Variants in PAX2 observed in about 807,000 individuals in gnomAD.
PAX2 encodes paired box protein Pax-2.
In PAX2, 9 loss-of-function variants were observed where a neutral mutation model predicts 41.7. The observed-to-expected ratio is 0.22, with a 90% CI of 0.13 to 0.38. The LOEUF is 0.38. PAX2 is among the 10% of genes least tolerant of loss of function. PAX2 has a pLI of 1.00. For synonymous variants in PAX2, 221 were observed against 212.7 expected (o/e 1.04, Z -0.34); for missense variants, 418 against 531.6 (o/e 0.79, Z 2.10).
At chr10:100,819,361 G>T (rs747912066) in intron 7 of PAX2, among the ~76,000 whole-genome samples, 12 of 152,094 alleles carry the variant, frequency 7.9e-5, no homozygotes, top group Non-Finnish European at 1.5e-4. Context: ...CTGAGGTCAG[G>T]AGTTGGAGAC....
At chr10:100,770,601 T>C (rs928114143) in intron 3 of PAX2, among the ~76,000 whole-genome samples, 2 of 152,238 alleles carry the variant, frequency 1.3e-5, no homozygotes, top group African/African-American at 4.8e-5. Flanking sequence ...CCATCTAGCC[T>C]GGTAAATTGT....
At chr10:100,786,009 G>A (rs928494263) in intron 5 of PAX2, among the ~76,000 whole-genome samples, 5 of 152,232 alleles carry the variant, frequency 3.3e-5, no homozygotes, top group African/African-American at 1.2e-4. Flanking sequence ...TTAGTGTTGA[G>A]CTGACTTCAT....
At chr10:100,809,263 G>A (rs756686150) in intron 7 of PAX2, 27 bp downstream of exon 7, 43 of 1,608,496 alleles carry the variant, frequency 2.7e-5, no homozygotes, top group Admixed American at 2.3e-4. Context: ...GAGGGTGGGG[G>A]CACTGCGTTC....
chr10:100,756,150 A>T (rs1026701028), intron 3 of PAX2, among the ~76,000 whole-genome samples: 3 of 152,166 alleles, frequency 2.0e-5, no homozygotes, highest in Admixed American at 1.3e-4. Context: ...AATAGTAGTA[A>T]CTGGTGTGGA....
intron 7 of PAX2, among the ~76,000 whole-genome samples, chr10:100,815,925 G>A (rs886471917): frequency 6.6e-6 from 1 of 152,286 alleles, no homozygotes; most frequent in African/African-American, 2.4e-5. Flanking sequence ...GAGGAGCATC[G>A]TAGGGAGGGT....
Position 100,749,774 on chromosome 10 carries a change from G to C in PAX2, c.72G>C (p.Gly24=). 1 of 1,612,090 alleles carries C rather than the reference G, an allele frequency of 6.2e-7. No homozygotes were observed. The highest frequency in any genetic ancestry group is 8.5e-7 in the Non-Finnish European group (1 of 1,178,900). ...HPGHGGVNQL[G]GVFVNGRPLP... ...GGCACGGGGGTGTGAACCAGCTCGG[G>C]GGGGTGTTTGTGAACGGCCGGCCCC... The change falls in exon 2 of 10, where the codon GGG becomes GGC. Residue 24 remains glycine, a synonymous_variant. Transcript: ENST00000355243.
rs529264524 is a variant in PAX2 at position 100,747,801 on chromosome 10, G to A, written c.43+1498G>A. 1.7e-4 allele frequency: 164 copies of A among 984,980 alleles called. 1 individual carries two copies. In the South Asian group the frequency reaches 7.1e-3, roughly 43 times the overall value. 61.0% of individuals were successfully genotyped at this position (984,980 alleles called of 1,614,324 possible). On this transcript the variant is annotated intron_variant, in intron 1 of 9. Coordinates refer to ENST00000355243, the MANE Select transcript of PAX2 (RefSeq NM_000278.5). ...GGGCCGGAAAGCCTCGGTCCTTTTC[G>A]GGAGGAGTGGAACCGGGTCCACACG...
At chr10:100,799,086 G>A (rs561792690) in intron 5 of PAX2, among the ~76,000 whole-genome samples, 74 of 152,258 alleles carry the variant, frequency 4.9e-4, no homozygotes, top group Non-Finnish European at 9.7e-4. Flanking sequence ...CTCAGAGGCG[G>A]AAGTAATGTG....
At chr10:100,786,197 G>A (rs1297373680) in intron 5 of PAX2, among the ~76,000 whole-genome samples, 4 of 152,252 alleles carry the variant, frequency 2.6e-5, no homozygotes, top group Non-Finnish European at 4.4e-5. Flanking sequence ...TAACCCGGAT[G>A]GGACCAGCGC....
chr10:100,739,362 C>T (rs1844874738), intron 1 of PAX2, among the ~76,000 whole-genome samples: 2 of 152,256 alleles, frequency 1.3e-5, no homozygotes, highest in South Asian at 2.1e-4. Flanking sequence ...GGTCCCCCTG[C>T]CTTACCAGCT....
chr10:100,753,251 C>T (rs1368858026), intron 3 of PAX2, among the ~76,000 whole-genome samples: 8 of 152,190 alleles, frequency 5.3e-5, no homozygotes, highest in Non-Finnish European at 2.9e-5. Flanking sequence ...AGAATCCTCT[C>T]ATGGTTCATA....
At chr10:100,772,689 A>C (rs180848102) in intron 3 of PAX2, among the ~76,000 whole-genome samples, 26 of 152,350 alleles carry the variant, frequency 1.7e-4, no homozygotes, top group Admixed American at 1.5e-3. Flanking sequence ...ACTCCAGGAC[A>C]ATTTAAACTG....
At chr10:100,752,783 C>T (rs1845489084) in intron 3 of PAX2, among the ~76,000 whole-genome samples, 1 of 152,146 alleles carries the variant, frequency 6.6e-6, no homozygotes, top group Non-Finnish European at 1.5e-5. Flanking sequence ...CCCTCAACAA[C>T]ATGCACTCCT....
At chr10:100,744,509 G>C (rs1845077006), upstream of PAX2, among the ~76,000 whole-genome samples, 1 of 152,264 alleles carries the variant, frequency 6.6e-6, no homozygotes, top group African/African-American at 2.4e-5. Context: ...AGAGAGAGCT[G>C]CGGAGGCTCC....
chr10:100,778,205 C>T (rs1035164277), intron 3 of PAX2, among the ~76,000 whole-genome samples: 1 of 152,224 alleles, frequency 6.6e-6, no homozygotes, highest in Non-Finnish European at 1.5e-5. Context: ...GGGCCCCTGC[C>T]ATGCAGCCCA....
At chr10:100,761,187 G>A (rs1412224144) in intron 3 of PAX2, among the ~76,000 whole-genome samples, 1 of 151,286 alleles carries the variant, frequency 6.6e-6, no homozygotes, top group African/African-American at 2.4e-5. Context: ...GTGGGGTGTG[G>A]TACCTTTTTT....
At chr10:100,749,562 C>T in intron 1 of PAX2, 184 bp from the exon 2 acceptor site, 14 of 1,401,554 alleles carry the variant, frequency 1.0e-5, no homozygotes, top group Non-Finnish European at 1.3e-5. Context: ...TTCAGCCCAG[C>T]GTCTGTGCTT....
rs867489438 is a variant in PAX2 at position 100,828,460 on chromosome 10, C to T, written c.*841C>T. 1.3e-5 allele frequency: 3 copies of T among 234,234 alleles called. No homozygotes were observed. Among genetic ancestry groups the T allele is most frequent in the African/African-American group, 6.6e-5 (3 of 45,366 alleles). The allele number at this position is 234,234 out of a possible 1,614,324, so 14.5% of individuals were successfully genotyped here. ...TGCCCCTACCTCAGCGTCTCTTCCA[C>T]CTGCTGGCCTCCCAGTTTCCCCTCC... On this transcript the variant is annotated 3_prime_UTR_variant, in exon 10 of 10. Transcript: ENST00000355243. The surrounding 1 kb of genome is among the most constrained non-coding windows in gnomAD (Gnocchi z 6.5).
rs1848586967 is a variant in PAX2, at chr10:100,826,878, G to T, written c.1022-131G>T. The T allele has an allele frequency of 2.9e-6, 2 of 701,574 alleles. No individual in the cohort carries two copies. The highest frequency in any genetic ancestry group is 5.1e-6 in the Non-Finnish European group (2 of 389,604). 43.5% of individuals were successfully genotyped at this position (701,574 alleles called of 1,614,324 possible). Reference sequence around the variant, plus strand: ...ACCTCCGCCCGGCCCGCCCGCCACGGCCATTACCCTGCCCGCGACACCTGC... The same window carrying T: ...ACCTCCGCCCGGCCCGCCCGCCACGTCCATTACCCTGCCCGCGACACCTGC... On this transcript the variant is annotated intron_variant, in intron 8 of 9. Transcript: ENST00000355243. The surrounding 1 kb of genome is among the most constrained non-coding windows in gnomAD (Gnocchi z 5.5).
Sources: allele counts gnomAD v4.1 joint callset (sites outside exome capture counted in the v4.1 genomes callset), GRCh38; gene constraint gnomAD v4.1.1; non-coding constraint Gnocchi (gnomAD v3.1); transcripts MANE v1.5; gene names NCBI Gene and HGNC (gene_info 2026-07-23, HGNC 2026-07-21).